PALS2: variants seen among roughly 807,000 people sequenced by gnomAD.
The protein encoded by PALS2 is protein PALS2.
PALS2 carries 27 observed loss-of-function variants against 61.6 expected under a neutral mutation model. The observed-to-expected ratio is 0.44, with a 90% CI of 0.32 to 0.60. PALS2 has a LOEUF of 0.60. Among genes scored for constraint, PALS2 ranks in the 20% least tolerant of loss-of-function variants. The probability of loss-of-function intolerance (pLI) is 0.05; values close to 1 mark genes in which losing one functional copy is unlikely to be tolerated. For missense variants in PALS2, 554 were observed against 639.4 expected, an observed-to-expected ratio of 0.87 and a Z score of 1.44; for synonymous variants, 236 against 218.6, an observed-to-expected ratio of 1.08 and a Z score of -0.70.
intron 1 of PALS2, among the ~76,000 whole-genome samples, chr7:24,616,503 A>G (rs1012897225): frequency 3.3e-5 from 5 of 152,154 alleles, no homozygotes; most frequent in Admixed American, 2.6e-4. Context: ...TTTGGTTTTC[A>G]TTTACATGGA....
rs112315224 is a variant in PALS2, at chr7:24,663,579, A to T, written c.652-11A>T. The T allele has an allele frequency of 8.3e-6, 13 of 1,574,156 alleles. No homozygotes were observed. Among genetic ancestry groups the T allele is most frequent in the African/African-American group, 8.2e-5 (6 of 72,782 alleles). ...CAACTATAGTATTTTTAATTGTGCT[A>T]TGTGTTTTAGGTATTTGTGAAGTGT... On this transcript the variant is annotated splice_polypyrimidine_tract_variant and intron_variant, in intron 5 of 11. Coordinates refer to ENST00000222644, the MANE Select transcript of PALS2 (RefSeq NM_001303037.2).
At chr7:24,647,506 T>C (rs1583940189) in intron 3 of PALS2, among the ~76,000 whole-genome samples, 1 of 152,226 alleles carries the variant, frequency 6.6e-6, no homozygotes, top group Non-Finnish European at 1.5e-5. Flanking sequence ...AGCTCAGCTC[T>C]AATTTTTGTT....
intron 1 of PALS2, among the ~76,000 whole-genome samples, chr7:24,584,904 A>G (rs1583830085): frequency 6.6e-6 from 1 of 152,078 alleles, no homozygotes; most frequent in East Asian, 1.9e-4. Flanking sequence ...TCCCAGCACC[A>G]TTTATTAAAT....
intron 1 of PALS2, among the ~76,000 whole-genome samples, chr7:24,603,555 T>G (rs1783789802): frequency 6.6e-6 from 1 of 152,178 alleles, no homozygotes. Context: ...GGCTGCAACT[T>G]TGAATGCATT....
intron 1 of PALS2, among the ~76,000 whole-genome samples, chr7:24,607,799 A>G (rs891004893): frequency 6.6e-6 from 1 of 152,138 alleles, no homozygotes; most frequent in South Asian, 2.1e-4. Context: ...TGATGCATGC[A>G]TACAATGAAG....
chr7:24,677,523 C>G (rs577851052), intron 9 of PALS2, among the ~76,000 whole-genome samples: 45 of 151,738 alleles, frequency 3.0e-4, no homozygotes, highest in African/African-American at 9.2e-4. Flanking sequence ...ATAGATAGCT[C>G]TTATTATTTT....
intron 11 of PALS2, among the ~76,000 whole-genome samples, chr7:24,685,093 C>A (rs1238214032): frequency 6.6e-6 from 1 of 152,036 alleles, no homozygotes; most frequent in Non-Finnish European, 1.5e-5. Context: ...GCTATTCTTC[C>A]TGATGCTCTC....
At chr7:24,673,154 C>T (rs765917099) in intron 9 of PALS2, among the ~76,000 whole-genome samples, 2 of 151,990 alleles carry the variant, frequency 1.3e-5, no homozygotes, top group African/African-American at 4.8e-5. Flanking sequence ...GTTAATGGTT[C>T]ATATGATTTT....
intron 1 of PALS2, among the ~76,000 whole-genome samples, chr7:24,595,539 A>AAATATTAACT (rs1783484483): frequency 7.6e-6 from 1 of 131,502 alleles, no homozygotes; most frequent in African/African-American, 2.9e-5. Context: ...TATAATATAT[A>AAATATTAACT]ATATATAAAT....
intron 2 of PALS2, among the ~76,000 whole-genome samples, chr7:24,625,935 A>G (rs763251798): frequency 7.2e-5 from 11 of 152,156 alleles, no homozygotes; most frequent in Non-Finnish European, 1.3e-4. Flanking sequence ...ACAGCAGCCT[A>G]GCACTCTCAG....
intron 1 of PALS2, among the ~76,000 whole-genome samples, chr7:24,603,663 A>T (rs538209247): frequency 6.6e-6 from 1 of 152,232 alleles, no homozygotes; most frequent in Non-Finnish European, 1.5e-5. Flanking sequence ...CATTGGCTCA[A>T]ATGGCTGTTG....
At position 24,689,950 on chromosome 7, in the gene PALS2, C is replaced by T. The variant is rs1399838756; in HGVS notation, c.*2336C>T. 1 of 152,186 alleles carries T rather than the reference C, an allele frequency of 6.6e-6. No individual in the cohort carries two copies. The highest frequency in any genetic ancestry group is 1.5e-5 in the Non-Finnish European group (1 of 68,046). 9.4% of individuals were successfully genotyped at this position (152,186 alleles called of 1,614,324 possible). A position where few individuals can be genotyped will look rare whatever the true frequency, so the allele number is the denominator to read the frequency against. ...CAAGAAGTTTATCTGCAAAATATTT[C>T]AATCATCTTGGTACAATAGATGACT... On this transcript the variant is annotated 3_prime_UTR_variant, in exon 12 of 12. Transcript: ENST00000222644.
Position 24,596,274 on chromosome 7 carries a change from G to A in PALS2, c.-3+22681G>A, listed in dbSNP as rs116633245. Among the ~76,000 whole-genome samples the A allele has an allele frequency of 5.2e-3, 792 of 152,260 alleles. 7 individuals are homozygous for A. Among genetic ancestry groups the A allele is most frequent in the African/African-American group, 0.017 (726 of 41,560 alleles). ...GGTGGCTTAGCGTAGGGGGATAGCAGTGAATGGGCAAGGGAGTCAGATGGC... is the reference window on the plus strand; with the variant it reads ...GGTGGCTTAGCGTAGGGGGATAGCAATGAATGGGCAAGGGAGTCAGATGGC... On this transcript the variant is annotated intron_variant, in intron 1 of 11. Coordinates refer to ENST00000222644, the MANE Select transcript of PALS2 (RefSeq NM_001303037.2). The surrounding 1 kb of genome is among the most constrained non-coding windows in gnomAD (Gnocchi z 4.5).
chr7:24,679,759 C>T, intron 10 of PALS2, among the ~76,000 whole-genome samples: 1 of 152,204 alleles, frequency 6.6e-6, no homozygotes, highest in Non-Finnish European at 1.5e-5. Flanking sequence ...TGTCACCTAC[C>T]CCTTCCCACT....
intron 2 of PALS2, among the ~76,000 whole-genome samples, chr7:24,637,296 C>CTTT (rs35499781): frequency 3.7e-5 from 4 of 109,502 alleles, no homozygotes; most frequent in Non-Finnish European, 5.8e-5. Context: ...ACTTACTCAT[C>CTTT]TTTTTTTTTT....
chr7:24,690,035 A>G lies in PALS2; in HGVS notation c.*2421A>G, dbSNP rs1197042782. 2 of 152,234 alleles carry G rather than the reference A, an allele frequency of 1.3e-5. No individual in the cohort carries two copies. The highest frequency in any genetic ancestry group is 4.8e-5 in the African/African-American group (2 of 41,460). 9.4% of individuals were successfully genotyped at this position (152,234 alleles called of 1,614,324 possible). A position where few individuals can be genotyped will look rare whatever the true frequency, so the allele number is the denominator to read the frequency against. Reference sequence around the variant, plus strand: ...AATGTATTACTTAGAAAATATACTTAAAGGAATTATTTCTATTATAAATGG... The same window carrying G: ...AATGTATTACTTAGAAAATATACTTGAAGGAATTATTTCTATTATAAATGG... On this transcript the variant is annotated 3_prime_UTR_variant, in exon 12 of 12. Coordinates refer to ENST00000222644, the MANE Select transcript of PALS2 (RefSeq NM_001303037.2).
chr7:24,574,983 C>A (rs1782592353), intron 1 of PALS2, among the ~76,000 whole-genome samples: 1 of 152,120 alleles, frequency 6.6e-6, no homozygotes, highest in African/African-American at 2.4e-5. Context: ...GCCTTGTTAA[C>A]AGTAAACAAA....
At chr7:24,640,257 C>G (rs555966249) in intron 2 of PALS2, among the ~76,000 whole-genome samples, 1 of 151,454 alleles carries the variant, frequency 6.6e-6, no homozygotes, top group Non-Finnish European at 1.5e-5. Flanking sequence ...CTTTTAAGGT[C>G]TTTCTTTAAA....
At chr7:24,605,449 A>G (rs536896337) in intron 1 of PALS2, among the ~76,000 whole-genome samples, 14 of 152,328 alleles carry the variant, frequency 9.2e-5, no homozygotes, top group Non-Finnish European at 1.9e-4. Flanking sequence ...AATAAGTTTC[A>G]TATATCACTG....
Sources: gnomAD v4.1 joint callset for allele counts (sites outside exome capture counted in the v4.1 genomes callset) on GRCh38, gnomAD v4.1.1 for gene constraint, Gnocchi (gnomAD v3.1) non-coding constraint, MANE v1.5 for transcripts, NCBI Gene and HGNC (gene_info 2026-07-23, HGNC 2026-07-21) for gene names.